PTPRD: variants seen among roughly 807,000 people sequenced by gnomAD.
PTPRD encodes the protein receptor-type tyrosine-protein phosphatase delta.
Under a neutral mutation model 214.5 loss-of-function variants are expected in PTPRD, and 34 were observed. That is an observed-to-expected ratio of 0.16 (90% CI 0.12 to 0.21). The LOEUF is 0.21. PTPRD is among the 10% of genes least tolerant of loss of function. The pLI is 1.00. For synonymous variants in PTPRD, 1,128 were observed against 845.7 expected, an observed-to-expected ratio of 1.33 and a Z score of -5.79; for missense variants, 2,545 against 2,398.7, an observed-to-expected ratio of 1.06 and a Z score of -1.27.
chr9:9,726,397 C>G (rs1235823765), intron 7 of PTPRD, among the ~76,000 whole-genome samples: 1 of 152,124 alleles, frequency 6.6e-6, no homozygotes, highest in East Asian at 1.9e-4. Flanking sequence ...TGGCCATAAG[C>G]AGGACAGTGT....
chr9:10,384,642 G>A (rs932529329), intron 2 of PTPRD, among the ~76,000 whole-genome samples: 2 of 151,298 alleles, frequency 1.3e-5, no homozygotes, highest in African/African-American at 4.8e-5. Flanking sequence ...TTAAAAAGTG[G>A]AATTAGTTTT....
At position 8,501,090 on chromosome 9, in the gene PTPRD, T is replaced by G. The variant is rs541459165; in HGVS notation, c.1823-31A>C. 6.4e-6 allele frequency: 10 copies of G among 1,567,668 alleles called. No homozygotes were observed. In the East Asian group the frequency reaches 2.3e-4, roughly 35 times the overall value. ...TTTGGTAGTGAGTTAAAGGAGGATT[T>G]AAGTGAAAGGACAGGAGTGGTTGAA... On this transcript the variant is annotated intron_variant, in intron 23 of 45. Transcript: ENST00000381196.
At chr9:8,427,209 CA>C (rs1335759118) in intron 35 of PTPRD, among the ~76,000 whole-genome samples, 1 of 152,138 alleles carries the variant, frequency 6.6e-6, no homozygotes, top group East Asian at 1.9e-4. Context: ...GAGAGGTCTG[CA>C]TTAAAATGTA....
At chr9:8,628,002 A>G (rs1950316775) in intron 14 of PTPRD, among the ~76,000 whole-genome samples, 1 of 151,898 alleles carries the variant, frequency 6.6e-6, no homozygotes, top group Admixed American at 6.6e-5. Context: ...AGCCTTTTCA[A>G]GTAATCTTCA....
chr9:8,847,773 T>A (rs1377360846), intron 11 of PTPRD, among the ~76,000 whole-genome samples: 1 of 152,090 alleles, frequency 6.6e-6, no homozygotes, highest in Non-Finnish European at 1.5e-5. Flanking sequence ...AATAATCAAA[T>A]CATCCACCCT....
At chr9:10,399,490 G>A (rs1234506809) in intron 2 of PTPRD, among the ~76,000 whole-genome samples, 3 of 151,962 alleles carry the variant, frequency 2.0e-5, no homozygotes, top group African/African-American at 7.2e-5. Context: ...TGTTCAGGCA[G>A]TGGTGTAGAT....
At chr9:9,796,554 T>C (rs990344757) in intron 5 of PTPRD, among the ~76,000 whole-genome samples, 2 of 151,942 alleles carry the variant, frequency 1.3e-5, no homozygotes, top group East Asian at 3.9e-4. Context: ...GACTTTTCAG[T>C]TGGAAGAAAT....
chr9:9,673,321 T>C (rs961316132), intron 7 of PTPRD, among the ~76,000 whole-genome samples: 5 of 151,928 alleles, frequency 3.3e-5, no homozygotes, highest in African/African-American at 1.2e-4. Flanking sequence ...GATATACTTG[T>C]AGCCTATACT....
intron 7 of PTPRD, among the ~76,000 whole-genome samples, chr9:9,629,759 C>T (rs534349839): frequency 1.3e-5 from 2 of 152,144 alleles, no homozygotes; most frequent in South Asian, 2.1e-4. Flanking sequence ...TCTTTCCCTT[C>T]TGAATTCAAA....
intron 2 of PTPRD, among the ~76,000 whole-genome samples, chr9:10,354,577 C>G (rs2154460852): frequency 6.6e-6 from 1 of 152,220 alleles, no homozygotes; most frequent in Non-Finnish European, 1.5e-5. Context: ...CTCAAATATG[C>G]TTTTACAAGA....
intron 11 of PTPRD, among the ~76,000 whole-genome samples, chr9:8,935,909 A>G (rs978221949): frequency 1.3e-5 from 2 of 152,098 alleles, no homozygotes; most frequent in African/African-American, 4.8e-5. Flanking sequence ...GTGTCTCCAA[A>G]TATTGCTGGA....
chr9:10,301,515 A>C (rs1014486515), intron 3 of PTPRD, among the ~76,000 whole-genome samples: 3 of 152,222 alleles, frequency 2.0e-5, no homozygotes, highest in African/African-American at 2.4e-5. Context: ...GAAGCTAAGA[A>C]CTTTGACAAA....
At chr9:8,425,317 AT>A (rs755638895) in intron 35 of PTPRD, among the ~76,000 whole-genome samples, 23 of 152,124 alleles carry the variant, frequency 1.5e-4, no homozygotes, top group Non-Finnish European at 3.1e-4. Flanking sequence ...TTCAGGAGGA[AT>A]TGTAGGAAGT....
chr9:8,325,493 A>C (rs577101589), intron 44 of PTPRD, among the ~76,000 whole-genome samples: 208 of 148,406 alleles, frequency 1.4e-3, no homozygotes, highest in Middle Eastern at 0.01. Flanking sequence ...TGGTTACTGT[A>C]GCCTTGTTTG....
At chr9:9,984,388 G>T (rs148536475) in intron 4 of PTPRD, among the ~76,000 whole-genome samples, 385 of 152,276 alleles carry the variant, frequency 2.5e-3, no homozygotes, top group African/African-American at 8.1e-3. Context: ...CTCAAGGCTG[G>T]GGTTCAGACC....
At chr9:10,564,864 T>A (rs964782972) in intron 2 of PTPRD, among the ~76,000 whole-genome samples, 3 of 152,172 alleles carry the variant, frequency 2.0e-5, no homozygotes, top group Admixed American at 6.6e-5. Flanking sequence ...TTGGATATAG[T>A]CCTGAGAAAG....
At chr9:10,217,745 T>C (rs1188203478) in intron 3 of PTPRD, among the ~76,000 whole-genome samples, 1 of 151,982 alleles carries the variant, frequency 6.6e-6, no homozygotes, top group Non-Finnish European at 1.5e-5. Context: ...AATAATGGCC[T>C]ATCATGTGCC....
At chr9:10,364,004 T>TTTTTTTTG (rs2097456662) in intron 2 of PTPRD, among the ~76,000 whole-genome samples, 2 of 130,086 alleles carry the variant, frequency 1.5e-5, no homozygotes, top group South Asian at 2.7e-4. Flanking sequence ...TTTTTTTTTT[T>TTTTTTTTG]TTTTTTTTTT....
At chr9:8,444,385 T>A (rs2095649266) in intron 34 of PTPRD, among the ~76,000 whole-genome samples, 1 of 152,088 alleles carries the variant, frequency 6.6e-6, no homozygotes, top group Admixed American at 6.6e-5. Flanking sequence ...CACACAGACA[T>A]CCCTACCTAC....
Sources: allele counts gnomAD v4.1 joint callset (sites outside exome capture counted in the v4.1 genomes callset), GRCh38; gene constraint gnomAD v4.1.1; transcripts MANE v1.5; gene names NCBI Gene and HGNC (gene_info 2026-07-23, HGNC 2026-07-21).